NAV3: variants seen among roughly 807,000 people sequenced by gnomAD.
The protein encoded by NAV3 is neuron navigator 3, also known as pore membrane and/or filament interacting like protein 1.
In NAV3, 87 loss-of-function variants were observed where a neutral mutation model predicts 244.7. The ratio of observed to expected loss-of-function variants is 0.36; its 90% CI spans 0.30 to 0.42. NAV3 has a LOEUF of 0.42. Ranked by LOEUF, NAV3 falls within the 20% of genes least tolerant of loss-of-function variation. NAV3 has a pLI of 1.00. For missense variants in NAV3, 2,663 were observed against 2,893.3 expected, an observed-to-expected ratio of 0.92 and a Z score of 1.83; for synonymous variants, 1,126 against 1,042.2, an observed-to-expected ratio of 1.08 and a Z score of -1.55.
intron 2 of NAV3, among the ~76,000 whole-genome samples, chr12:77,662,165 G>GA (rs1432034901): frequency 5.3e-5 from 8 of 151,852 alleles, no homozygotes; most frequent in Admixed American, 5.2e-4. Context: ...ATTGAGTCTT[G>GA]AATCGATTAA....
At chr12:77,970,073 A>G (rs949528698) in intron 5 of NAV3, among the ~76,000 whole-genome samples, 7 of 152,208 alleles carry the variant, frequency 4.6e-5, no homozygotes, top group Non-Finnish European at 1.0e-4. Context: ...CTTTCATACA[A>G]GCTACTATAT....
At position 77,644,429 on chromosome 12, in the gene NAV3, G is replaced by A. The variant is rs530433400; in HGVS notation, c.72+72163G>A. ...TTCTTGGTAAAAATCATATCCAGAG[G>A]AGGAGCAAACAGAAGGAGTGCACAG... On this transcript the variant is annotated intron_variant, in intron 2 of 8. Coordinates refer to the NAV3 transcript ENST00000550042. 3.9e-5 allele frequency among the ~76,000 whole-genome samples: 6 copies of A among 152,098 alleles called. No homozygotes were observed. In the East Asian group the frequency reaches 9.7e-4, roughly 25 times the overall value.
chr12:78,028,470 T>G (rs773254054), intron 9 of NAV3, among the ~76,000 whole-genome samples: 18 of 152,210 alleles, frequency 1.2e-4, no homozygotes, highest in Non-Finnish European at 2.1e-4. Context: ...AACACAAGTT[T>G]TGATGCCTCA....
chr12:77,824,713 T>C (rs917439650), intron 2 of NAV3, among the ~76,000 whole-genome samples: 4 of 151,714 alleles, frequency 2.6e-5, no homozygotes, highest in African/African-American at 9.7e-5. Flanking sequence ...GCCAATATGG[T>C]AAAACCCTGT....
chr12:77,627,245 A>G (rs118088751), intron 2 of NAV3, among the ~76,000 whole-genome samples: 3,784 of 152,316 alleles, frequency 0.025, 61 homozygotes, highest in Middle Eastern at 0.085. Context: ...AACTATAGTT[A>G]CATCAGACAA....
intron 1 of NAV3, among the ~76,000 whole-genome samples, chr12:77,935,198 G>A (rs1889206749): frequency 6.6e-6 from 1 of 152,080 alleles, no homozygotes. Flanking sequence ...GACAGACAAA[G>A]ATAGTATGTA....
intron 1 of NAV3, among the ~76,000 whole-genome samples, chr12:77,848,267 G>A (rs1876960649): frequency 6.6e-6 from 1 of 152,206 alleles, no homozygotes; most frequent in Non-Finnish European, 1.5e-5. Context: ...TCCTGGCAAT[G>A]TATTTTTGTA....
At position 77,766,735 on chromosome 12, in the gene NAV3, G is replaced by GTTTGTTTGTT. The variant is rs1555202961; in HGVS notation, c.73-173581_73-173580insGTTTGTTTTT. 3.1e-4 allele frequency among the ~76,000 whole-genome samples: 19 copies of GTTTGTTTGTT among 60,516 alleles called. 2 individuals carry two copies. The highest frequency in any genetic ancestry group is 4.8e-4 in the Non-Finnish European group (16 of 33,046). 39.7% of individuals were successfully genotyped at this position (60,516 alleles called of 152,430 possible). On this transcript the variant is annotated intron_variant, in intron 2 of 8. Transcript: ENST00000550042. The stretch of plus-strand genomic sequence containing the variant: ...AGGATTCTAAAAAACAGGCAATTAA[G>GTTTGTTTGTT]TTTTTTTTTTTTTTTTTTTTTTTTT...
In NAV3 at chr12:78,118,947, A is replaced by T. The variant is rs1200214461; in HGVS notation, c.3041-290A>T. On this transcript the variant is annotated intron_variant, in intron 14 of 39. Coordinates refer to ENST00000397909, the MANE Select transcript of NAV3 (RefSeq NM_001024383.2). ...TTCTTTTTCTAGTAATTAGCTTGAT[A>T]GGGTTAAGTGTTATCTTTTTAAAAA... 2.6e-5 allele frequency among the ~76,000 whole-genome samples: 4 copies of T among 152,218 alleles called. No individual in the cohort carries two copies. The East Asian group carries it at 7.7e-4, about 29-fold the overall frequency.
intron 5 of NAV3, among the ~76,000 whole-genome samples, chr12:77,991,487 A>G (rs963660365): frequency 2.0e-5 from 3 of 152,156 alleles, no homozygotes; most frequent in Non-Finnish European, 4.4e-5. Context: ...GGTACAAAGC[A>G]TAGTTATGAA....
At chr12:78,043,805 A>G (rs149977769) in intron 9 of NAV3, among the ~76,000 whole-genome samples, 45 of 152,238 alleles carry the variant, frequency 3.0e-4, no homozygotes, top group African/African-American at 1.0e-3. Context: ...AATTTGTTTA[A>G]GTTCCTTGTA....
At chr12:77,735,504 G>C (rs1877297845) in intron 2 of NAV3, among the ~76,000 whole-genome samples, 1 of 152,004 alleles carries the variant, frequency 6.6e-6, no homozygotes, top group African/African-American at 2.4e-5. Context: ...ATAAACAAAA[G>C]TTACTCCCTG....
chr12:77,988,697 G>A (rs2136331002), intron 5 of NAV3, among the ~76,000 whole-genome samples: 1 of 152,196 alleles, frequency 6.6e-6, no homozygotes, highest in South Asian at 2.1e-4. Flanking sequence ...AGAAAAAAAT[G>A]CACTCTTCAA....
chr12:77,976,044 G>T (rs1262330348), intron 5 of NAV3, among the ~76,000 whole-genome samples: 1 of 152,192 alleles, frequency 6.6e-6, no homozygotes, highest in Non-Finnish European at 1.5e-5. Context: ...CTCTAGCATG[G>T]ATAAGGAGGC....
At chr12:78,096,862 CCT>C (rs1226769123) in intron 12 of NAV3, among the ~76,000 whole-genome samples, 6 of 152,134 alleles carry the variant, frequency 3.9e-5, no homozygotes, top group African/African-American at 1.4e-4. Flanking sequence ...TACTGTAACT[CCT>C]CTATCTCCTG....
chr12:77,735,030 C>T (rs1398113433), intron 2 of NAV3, among the ~76,000 whole-genome samples: 4 of 152,034 alleles, frequency 2.6e-5, no homozygotes, highest in South Asian at 2.1e-4. Flanking sequence ...TAATAATATG[C>T]GAATTGATAT....
In NAV3 at chr12:78,007,260, A is replaced by G. The variant is rs1299595463; in HGVS notation, c.1722A>G (p.Ala574=). Residue 574 remains alanine (A), a synonymous_variant, in exon 8 of 40, where the codon GCA becomes GCG. Coordinates refer to ENST00000397909, the MANE Select transcript of NAV3 (RefSeq NM_001024383.2). ...CTAAGCCTATAACCATGGAGAAAGC[A>G]AGTGCTTCTAGTTGTCCTGCCCCTT... ...SLSKPITMEK[A]SASSCPAPLE... 1 of 1,614,190 alleles carries G rather than the reference A, an allele frequency of 6.2e-7. No homozygotes were observed. Among genetic ancestry groups the G allele is most frequent in the Non-Finnish European group, 8.5e-7 (1 of 1,180,028 alleles).
intron 2 of NAV3, among the ~76,000 whole-genome samples, chr12:77,685,968 C>T (rs1874722254): frequency 6.6e-6 from 1 of 152,150 alleles, no homozygotes; most frequent in Non-Finnish European, 1.5e-5. Context: ...GTCTCTTTAA[C>T]ATTGTCAACA....
At chr12:78,173,774 T>C (rs1208190514) in intron 24 of NAV3, among the ~76,000 whole-genome samples, 3 of 151,408 alleles carry the variant, frequency 2.0e-5, no homozygotes, top group Non-Finnish European at 4.4e-5. Flanking sequence ...TGTTTCTTCC[T>C]ATAAAATTTT....
Sources: allele counts gnomAD v4.1 joint callset (sites outside exome capture counted in the v4.1 genomes callset), GRCh38; gene constraint gnomAD v4.1.1; transcripts MANE v1.5; gene names NCBI Gene and HGNC (gene_info 2026-07-23, HGNC 2026-07-21).